TMEM135: variants seen among roughly 807,000 people sequenced by gnomAD.
TMEM135 encodes the protein transmembrane protein 135.
In TMEM135, 30 loss-of-function variants were observed where a neutral mutation model predicts 60.3. The observed-to-expected ratio is 0.50, with a 90% CI of 0.37 to 0.68. TMEM135 has a LOEUF of 0.68. TMEM135 is among the 30% of genes least tolerant of loss of function. The pLI is 0.00. For missense variants in TMEM135, 468 were observed against 548.8 expected (o/e 0.85, Z 1.47); for synonymous variants, 190 against 186.7 (o/e 1.02, Z -0.14).
Position 87,305,932 on chromosome 11 carries a change from T to C in TMEM135, c.699-4T>C. ...TAGTTTAATTTTTTTGGGTTCAATT[T>C]CAGATGCAAACATGGACCAAGGCAT... is the stretch of plus-strand genomic sequence containing the variant. On this transcript the variant is annotated splice_polypyrimidine_tract_variant and splice_region_variant and intron_variant, in intron 8 of 14. Coordinates refer to ENST00000305494, the MANE Select transcript of TMEM135 (RefSeq NM_022918.4). 1 of 1,603,714 alleles carries C rather than the reference T, an allele frequency of 6.2e-7. No individual in the cohort carries two copies. The highest frequency in any genetic ancestry group is 8.5e-7 in the Non-Finnish European group (1 of 1,173,994).
chr11:87,111,979 C>G (rs528333359), intron 4 of TMEM135, among the ~76,000 whole-genome samples: 1 of 152,128 alleles, frequency 6.6e-6, no homozygotes, highest in East Asian at 1.9e-4. Flanking sequence ...TGTAGCCTAT[C>G]TAAATGTTAT....
intron 4 of TMEM135, among the ~76,000 whole-genome samples, chr11:87,117,582 C>A (rs542833020): frequency 6.6e-5 from 10 of 152,300 alleles, no homozygotes; most frequent in Admixed American, 2.0e-4. Context: ...AAAAACAGAA[C>A]TCCTGATCTG....
chr11:87,201,268 G>A (rs1451393167), intron 5 of TMEM135, among the ~76,000 whole-genome samples: 2 of 152,026 alleles, frequency 1.3e-5, no homozygotes, highest in African/African-American at 4.8e-5. Flanking sequence ...AAAATCTTAT[G>A]TATTGTAATT....
At chr11:87,151,529 G>A (rs1715546838) in intron 4 of TMEM135, among the ~76,000 whole-genome samples, 1 of 152,006 alleles carries the variant, frequency 6.6e-6, no homozygotes, top group Non-Finnish European at 1.5e-5. Context: ...AATGCCTATT[G>A]ATTCTTGTTT....
intron 4 of TMEM135, among the ~76,000 whole-genome samples, chr11:87,149,635 T>C (rs77703889): frequency 0.1 from 15,620 of 152,230 alleles, 816 homozygotes; most frequent in African/African-American, 0.12. Context: ...TGACTTCTAC[T>C]TAGCCAGTAA....
At chr11:87,307,547 A>G (rs115591238) in intron 9 of TMEM135, among the ~76,000 whole-genome samples, 5,308 of 151,814 alleles carry the variant, frequency 0.035, 92 homozygotes, top group Admixed American at 0.046. Context: ...TGGCGTGGGG[A>G]AGGTGATATT....
chr11:87,292,663 T>C (rs1042030105), intron 6 of TMEM135, among the ~76,000 whole-genome samples: 1 of 152,206 alleles, frequency 6.6e-6, no homozygotes, highest in East Asian at 1.9e-4. Context: ...ATTCTTTTTA[T>C]GGGAATAATT....
chr11:87,220,416 G>A (rs1449001841), intron 5 of TMEM135, among the ~76,000 whole-genome samples: 1 of 152,116 alleles, frequency 6.6e-6, no homozygotes, highest in Non-Finnish European at 1.5e-5. Context: ...CTGGCTTATT[G>A]TTACTAATTA....
intron 5 of TMEM135, among the ~76,000 whole-genome samples, chr11:87,198,547 C>T (rs1180251654): frequency 7.0e-6 from 1 of 142,178 alleles, no homozygotes; most frequent in Non-Finnish European, 1.5e-5. Context: ...CCCTTCCCTC[C>T]TCCCTCCCCT....
chr11:87,258,547 G>A (rs539620118), intron 6 of TMEM135, among the ~76,000 whole-genome samples: 17 of 152,310 alleles, frequency 1.1e-4, no homozygotes, highest in African/African-American at 3.8e-4. Flanking sequence ...CTACCCCACA[G>A]GAGAAAGTGA....
chr11:87,118,244 G>A (rs1267935099), intron 4 of TMEM135, among the ~76,000 whole-genome samples: 1 of 152,096 alleles, frequency 6.6e-6, no homozygotes, highest in Non-Finnish European at 1.5e-5. Flanking sequence ...ATGGTCATTG[G>A]CTTAAACTTA....
In TMEM135 at chr11:87,323,174, A is replaced by G; in HGVS notation, c.*1841A>G. 1 of 454,012 alleles carries G rather than the reference A, an allele frequency of 2.2e-6. No homozygotes were observed. Among genetic ancestry groups the G allele is most frequent in the South Asian group, 1.6e-5 (1 of 64,364 alleles). The allele number at this position is 454,012 out of a possible 1,614,324, so 28.1% of individuals were successfully genotyped here. A position where few individuals can be genotyped will look rare whatever the true frequency, so the allele number is the denominator to read the frequency against. Reference sequence around the variant, plus strand: ...ATTACGAAATTTGCTGAGATTGTTTAGTAAAATTTTGCTGGTCAAAAAGGT... The same window carrying G: ...ATTACGAAATTTGCTGAGATTGTTTGGTAAAATTTTGCTGGTCAAAAAGGT... On this transcript the variant is annotated 3_prime_UTR_variant, in exon 15 of 15. Coordinates refer to ENST00000305494, the MANE Select transcript of TMEM135 (RefSeq NM_022918.4).
At chr11:87,174,591 A>G (rs1049894199) in intron 5 of TMEM135, among the ~76,000 whole-genome samples, 1 of 152,160 alleles carries the variant, frequency 6.6e-6, no homozygotes, top group Non-Finnish European at 1.5e-5. Context: ...AAGAGAGGAA[A>G]TAAGTATGGA....
intron 5 of TMEM135, among the ~76,000 whole-genome samples, chr11:87,225,498 T>A (rs1372148819): frequency 7.5e-5 from 11 of 145,858 alleles, no homozygotes; most frequent in African/African-American, 2.8e-4. Flanking sequence ...ACACATCTTG[T>A]AAAAAAAAAA....
intron 4 of TMEM135, among the ~76,000 whole-genome samples, chr11:87,139,663 G>A (rs2247537): frequency 0.48 from 72,354 of 152,018 alleles, 17,512 homozygotes; most frequent in East Asian, 0.67. Context: ...TTGCCTTCCC[G>A]CCAGCAATAT....
At chr11:87,093,658 G>A (rs542945375) in intron 4 of TMEM135, among the ~76,000 whole-genome samples, 2 of 152,034 alleles carry the variant, frequency 1.3e-5, no homozygotes, top group Non-Finnish European at 2.9e-5. Flanking sequence ...AGCCTCCTGA[G>A]TAGCTGGGAT....
intron 1 of TMEM135, among the ~76,000 whole-genome samples, chr11:87,043,297 G>A (rs188179990): frequency 9.9e-5 from 15 of 151,908 alleles, no homozygotes; most frequent in African/African-American, 1.9e-4. Context: ...TACATATTTT[G>A]TGATATACGG....
chr11:87,282,544 G>A (rs1942080451), intron 6 of TMEM135, among the ~76,000 whole-genome samples: 3 of 152,208 alleles, frequency 2.0e-5, no homozygotes, highest in African/African-American at 7.2e-5. Context: ...GGGATTACAG[G>A]CGTGAGCCAC....
At chr11:87,182,675 C>A (rs950543856) in intron 5 of TMEM135, among the ~76,000 whole-genome samples, 3 of 151,956 alleles carry the variant, frequency 2.0e-5, no homozygotes, top group African/African-American at 7.2e-5. Context: ...GATCAGATTT[C>A]CTTTATGAAA....
Sources: allele counts gnomAD v4.1 joint callset (sites outside exome capture counted in the v4.1 genomes callset), GRCh38; gene constraint gnomAD v4.1.1; transcripts MANE v1.5; gene names NCBI Gene and HGNC (gene_info 2026-07-23, HGNC 2026-07-21).